Variants in EYA4 observed in about 807,000 individuals in gnomAD.
EYA4 encodes the protein protein phosphatase EYA4.
In EYA4, 31 loss-of-function variants were observed where a neutral mutation model predicts 87.9. The observed-to-expected ratio is 0.35, with a 90% CI of 0.27 to 0.48. The LOEUF is 0.48. EYA4 is among the 20% of genes least tolerant of loss of function. The pLI is 0.99. For missense variants in EYA4, 678 were observed against 761.4 expected (o/e 0.89, Z 1.29); for synonymous variants, 263 against 270.6 (o/e 0.97, Z 0.28).
At chr6:133,265,070 A>G (rs1042439045) in intron 1 of EYA4, among the ~76,000 whole-genome samples, 9 of 152,102 alleles carry the variant, frequency 5.9e-5, no homozygotes, top group Non-Finnish European at 7.4e-5. Flanking sequence ...TTGTCTTAAA[A>G]CTTTATATAG....
intron 2 of EYA4, among the ~76,000 whole-genome samples, chr6:133,326,740 C>T (rs1487781428): frequency 6.6e-6 from 1 of 152,224 alleles, no homozygotes; most frequent in African/African-American, 2.4e-5. Flanking sequence ...GGATTCCCTT[C>T]CTCATCCCTT....
chr6:133,484,449 G>T (rs1330619267), intron 13 of EYA4, among the ~76,000 whole-genome samples: 1 of 152,152 alleles, frequency 6.6e-6, no homozygotes, highest in Non-Finnish European at 1.5e-5. Context: ...TTGTCATTTG[G>T]TTTTAGTATA....
rs147135637 is a variant in EYA4 at position 133,464,822 on chromosome 6, A to G, written c.768A>G (p.Ser256=). The part of the protein sequence containing the change: ...APSSTIYANN[S]VSNSTNFSGS... ...CATCTACTATTTATGCAAATAATTC[A>G]GTTTCCAATTCAACGAATTTCAGTG... Residue 256 remains serine (S), a synonymous_variant, in exon 10 of 20, where the codon TCA becomes TCG. Coordinates refer to ENST00000355286, the MANE Select transcript of EYA4 (RefSeq NM_004100.5). 94 of 1,611,504 alleles carry G rather than the reference A, an allele frequency of 5.8e-5. No individual in the cohort carries two copies. In the African/African-American group the frequency reaches 1.1e-3, roughly 18 times the overall value.
intron 2 of EYA4, among the ~76,000 whole-genome samples, chr6:133,328,208 A>G (rs1781653632): frequency 6.6e-6 from 1 of 152,190 alleles, no homozygotes. Flanking sequence ...AATATCATGC[A>G]GTTGATTATG....
chr6:133,504,587 A>C (rs1436546902), intron 13 of EYA4, among the ~76,000 whole-genome samples: 3 of 152,226 alleles, frequency 2.0e-5, no homozygotes, highest in Non-Finnish European at 4.4e-5. Flanking sequence ...CCTTTTTCTT[A>C]GCATTTAATT....
At chr6:133,372,455 G>A (rs1785340787) in intron 2 of EYA4, among the ~76,000 whole-genome samples, 1 of 96,252 alleles carries the variant, frequency 1.0e-5, no homozygotes, top group Admixed American at 1.2e-4. Flanking sequence ...TATAACAATG[G>A]TTATAGAAGA....
At chr6:133,336,962 C>CAG (rs200266058) in intron 2 of EYA4, among the ~76,000 whole-genome samples, 22,421 of 151,882 alleles carry the variant, frequency 0.15, 1,708 homozygotes, top group Non-Finnish European at 0.17. Flanking sequence ...TGGCCGAAAA[C>CAG]AGTTTCTGGT....
Position 133,529,926 on chromosome 6 carries a change from C to T in EYA4, c.*1121C>T. On this transcript the variant is annotated 3_prime_UTR_variant, in exon 20 of 20. Transcript: ENST00000355286. The stretch of plus-strand genomic sequence containing the variant: ...AGGATATTATCATGCAAATCATGAG[C>T]AATTATCACATAAACTTTTTTAGAA... The T allele has an allele frequency of 1.0e-6, 1 of 985,126 alleles. No homozygotes were observed. Among genetic ancestry groups the T allele is most frequent in the African/African-American group, 1.7e-5 (1 of 57,310 alleles). The allele number at this position is 985,126 out of a possible 1,614,324, so 61.0% of individuals were successfully genotyped here.
intron 2 of EYA4, among the ~76,000 whole-genome samples, chr6:133,275,160 G>A (rs967604481): frequency 6.6e-6 from 1 of 152,148 alleles, no homozygotes; most frequent in Non-Finnish European, 1.5e-5. Flanking sequence ...AATATCAGAA[G>A]TATAAAAGGA....
At chr6:133,330,547 A>T (rs1781846547) in intron 2 of EYA4, among the ~76,000 whole-genome samples, 1 of 74,568 alleles carries the variant, frequency 1.3e-5, no homozygotes, top group African/African-American at 5.1e-5. Context: ...TTATACTGAG[A>T]TTTATATATA....
chr6:133,469,079 C>T (rs1795104482), intron 11 of EYA4, among the ~76,000 whole-genome samples: 1 of 151,910 alleles, frequency 6.6e-6, no homozygotes, highest in African/African-American at 2.4e-5. Context: ...CTGCATAAGC[C>T]CTTCACCTTT....
In EYA4 at chr6:133,478,264, C is replaced by T. The variant is rs1481274615; in HGVS notation, c.971-3199C>T. Among the ~76,000 whole-genome samples the T allele has an allele frequency of 2.0e-5, 3 of 152,040 alleles. No individual in the cohort carries two copies. The East Asian group carries it at 5.8e-4, about 29-fold the overall frequency. On this transcript the variant is annotated intron_variant, in intron 11 of 19. Transcript: ENST00000355286. ...AAAGTCAGTGTCTGTTAAAGATGAACATATGCCTTCCCTCTGACCCAGGAA... is the reference window on the plus strand; with the variant it reads ...AAAGTCAGTGTCTGTTAAAGATGAATATATGCCTTCCCTCTGACCCAGGAA...
chr6:133,270,139 C>T (rs1375587669), intron 1 of EYA4, among the ~76,000 whole-genome samples: 1 of 152,188 alleles, frequency 6.6e-6, no homozygotes, highest in Non-Finnish European at 1.5e-5. Context: ...TGGCAACACC[C>T]TCACAGACAC....
At chr6:133,269,006 C>A (rs1463862919) in intron 1 of EYA4, among the ~76,000 whole-genome samples, 1 of 152,150 alleles carries the variant, frequency 6.6e-6, no homozygotes, top group Non-Finnish European at 1.5e-5. Flanking sequence ...TGCGTGTAAT[C>A]CCAGCACTTT....
At chr6:133,512,198 A>G (rs1799213334) in intron 14 of EYA4, among the ~76,000 whole-genome samples, 1 of 152,180 alleles carries the variant, frequency 6.6e-6, no homozygotes. Context: ...ACCTTGAAAT[A>G]ACACCAGCAT....
chr6:133,503,766 GT>G (rs562291290), intron 13 of EYA4, among the ~76,000 whole-genome samples: 125 of 147,312 alleles, frequency 8.5e-4, no homozygotes, highest in African/African-American at 2.8e-3. Flanking sequence ...AAGACAAAAT[GT>G]TTTTTTTTTA....
intron 9 of EYA4, among the ~76,000 whole-genome samples, chr6:133,463,943 T>C (rs879135174): frequency 1.3e-5 from 2 of 152,038 alleles, no homozygotes; most frequent in Admixed American, 1.3e-4. Flanking sequence ...CAGCTTCAGT[T>C]AGCCATGTGA....
intron 2 of EYA4, among the ~76,000 whole-genome samples, chr6:133,302,200 C>A (rs1779464005): frequency 6.6e-6 from 1 of 152,054 alleles, no homozygotes; most frequent in African/African-American, 2.4e-5. Flanking sequence ...GTGGGATTTC[C>A]TTATCTGTTT....
intron 2 of EYA4, among the ~76,000 whole-genome samples, chr6:133,283,423 G>A (rs942183464): frequency 5.3e-5 from 8 of 152,034 alleles, no homozygotes; most frequent in African/African-American, 1.4e-4. Context: ...TCTGCTATAA[G>A]GTATTTAACA....
Sources: allele counts gnomAD v4.1 joint callset (sites outside exome capture counted in the v4.1 genomes callset), GRCh38; gene constraint gnomAD v4.1.1; transcripts MANE v1.5; gene names NCBI Gene and HGNC (gene_info 2026-07-23, HGNC 2026-07-21).